DNAH17: variants seen among roughly 807,000 people sequenced by gnomAD.
DNAH17 encodes axonemal beta dynein heavy chain 17.
In DNAH17, 376 loss-of-function variants were observed where a neutral mutation model predicts 485.6. That is an observed-to-expected ratio of 0.77 (90% CI 0.71 to 0.84). DNAH17 has a LOEUF of 0.84. Among genes scored for constraint, DNAH17 ranks in the 40% least tolerant of loss-of-function variants. The pLI is 0.00. For synonymous variants in DNAH17, 3,031 were observed against 2,405.9 expected (o/e 1.26, Z -7.60); for missense variants, 6,370 against 5,839.3 (o/e 1.09, Z -2.96).
chr17:78,431,858 C>T (rs1241645399), intron 75 of DNAH17, among the ~76,000 whole-genome samples: 5 of 152,024 alleles, frequency 3.3e-5, no homozygotes, highest in Admixed American at 1.3e-4. Context: ...CAATGGGCAA[C>T]GGCTAAGGAA....
At chr17:78,426,206 G>C (rs1027248871) in intron 79 of DNAH17, among the ~76,000 whole-genome samples, 4 of 152,080 alleles carry the variant, frequency 2.6e-5, no homozygotes, top group African/African-American at 9.7e-5. Flanking sequence ...ACCCTTTGAG[G>C]GTCGCTTGAG....
At position 78,568,890 on chromosome 17, in the gene DNAH17, C is replaced by T. The variant is rs115520330; in HGVS notation, c.1284+276G>A. Reference sequence around the variant, plus strand: ...GCTGTTGGCCCCCAGGCGTCCTGAACGTGGGGGTTTAACTTATCAGTAACC... The same window carrying T: ...GCTGTTGGCCCCCAGGCGTCCTGAATGTGGGGGTTTAACTTATCAGTAACC... On this transcript the variant is annotated intron_variant, in intron 9 of 80. Coordinates refer to ENST00000389840, the MANE Select transcript of DNAH17 (RefSeq NM_173628.4). 6.9e-3 allele frequency among the ~76,000 whole-genome samples: 1,058 copies of T among 152,308 alleles called. 13 individuals are homozygous for T. Among genetic ancestry groups the T allele is most frequent in the African/African-American group, 0.024 (1,008 of 41,548 alleles).
Position 78,437,748 on chromosome 17 carries a change from T to G in DNAH17, c.11926A>C (p.Thr3976Pro). Residue 3976 changes from threonine (T) to proline (P), a missense_variant, in exon 74 of 81, where the codon ACC becomes CCC. By Grantham distance (38) the Thr-to-Pro change is conservative. Coordinates refer to ENST00000389840, the MANE Select transcript of DNAH17 (RefSeq NM_173628.4). ...AGAATGCCCTGGGGGATGATGTGGG[T>G]CTCGGGGCTGGGGGCAGGCTCCGCG... ...ISAEPAPSPE[T>P]HIIPQGILEN... The G allele has an allele frequency of 3.1e-6, 5 of 1,612,522 alleles. No individual in the cohort carries two copies. The highest frequency in any genetic ancestry group is 4.2e-6 in the Non-Finnish European group (5 of 1,179,750).
chr17:78,492,096 G>C (rs147830517), intron 42 of DNAH17, among the ~76,000 whole-genome samples: 25 of 152,198 alleles, frequency 1.6e-4, no homozygotes, highest in East Asian at 1.2e-3. Context: ...AGGGTGCGGG[G>C]GACAGGCTAG....
At chr17:78,481,744 G>C (rs563268392) in intron 48 of DNAH17, among the ~76,000 whole-genome samples, 3 of 152,332 alleles carry the variant, frequency 2.0e-5, no homozygotes, top group African/African-American at 4.8e-5. Flanking sequence ...GCCAGGCACA[G>C]TGGCTCATGC....
chr17:78,426,646 G>A, intron 78 of DNAH17, 46 bp from the exon 79 acceptor site: 1 of 1,555,294 alleles, frequency 6.4e-7, no homozygotes, highest in Non-Finnish European at 8.7e-7. Flanking sequence ...GCTGGGGCCT[G>A]GGAGAGCACC....
At chr17:78,556,874 G>C (rs890249006) in intron 14 of DNAH17, among the ~76,000 whole-genome samples, 2 of 152,162 alleles carry the variant, frequency 1.3e-5, no homozygotes, top group Non-Finnish European at 1.5e-5. Context: ...CAACAACATA[G>C]ATTAACTCAA....
chr17:78,573,106 C>T (rs2092384015), intron 2 of DNAH17, among the ~76,000 whole-genome samples: 1 of 152,060 alleles, frequency 6.6e-6, no homozygotes, highest in Non-Finnish European at 1.5e-5. Flanking sequence ...GGAGGTGTGG[C>T]CGGTCATGGA....
chr17:78,457,702 C>G (rs2087878174), intron 62 of DNAH17, among the ~76,000 whole-genome samples: 2 of 149,598 alleles, frequency 1.3e-5, no homozygotes, highest in Admixed American at 6.7e-5. Context: ...CTCTTGTCAC[C>G]CAGGCTGGAG....
intron 16 of DNAH17, among the ~76,000 whole-genome samples, chr17:78,548,590 G>A (rs938979816): frequency 1.4e-4 from 22 of 152,160 alleles, no homozygotes; most frequent in African/African-American, 4.6e-4. Flanking sequence ...ATATCTAAAC[G>A]ACTTGTTACT....
chr17:78,507,617 C>A lies in DNAH17; in HGVS notation c.4425G>T (p.Trp1475Cys). 1 of 1,614,138 alleles carries A rather than the reference C, an allele frequency of 6.2e-7. No homozygotes were observed. The highest frequency in any genetic ancestry group is 1.3e-5 in the African/African-American group (1 of 75,046). ...LAHFLKEVTSWQQKLSTADSV... is the reference protein window; with the variant it reads ...LAHFLKEVTSCQQKLSTADSV... ...AGTCCGCCGTGGACAGCTTCTGCTG[C>A]CAGCTTGTCACCTCCTTCAGGAAGT... is the stretch of plus-strand genomic sequence containing the variant. The change falls in exon 28 of 81, where the codon TGG (tryptophan) becomes TGT (cysteine). Residue 1475 changes from tryptophan (W) to cysteine (C), a missense_variant. Coordinates refer to ENST00000389840, the MANE Select transcript of DNAH17 (RefSeq NM_173628.4).
At position 78,526,709 on chromosome 17, in the gene DNAH17, A is replaced by G. The variant is rs1568198919; in HGVS notation, c.3653T>C (p.Phe1218Ser). ...ELKQHEFRER[F>S]RREAPFSFSD... ...GAAGGAGAACGGGGCCTCGCGCCTG[A>G]ACCTCTCCCTGAACTCATGTTGCTT... is the stretch of plus-strand genomic sequence containing the variant. The change falls in exon 24 of 81, where the codon TTC becomes TCC. Residue 1218 changes from phenylalanine to serine, a missense_variant. Coordinates refer to ENST00000389840, the MANE Select transcript of DNAH17 (RefSeq NM_173628.4). 1 of 1,610,794 alleles carries G rather than the reference A, an allele frequency of 6.2e-7. No individual in the cohort carries two copies. The highest frequency in any genetic ancestry group is 8.5e-7 in the Non-Finnish European group (1 of 1,177,632).
In DNAH17 at chr17:78,437,858, AG is replaced by A; in HGVS notation, c.11815del (p.Leu3939TrpfsTer226). On this transcript the variant is annotated frameshift_variant, in exon 74 of 81. Coordinates refer to ENST00000389840, the MANE Select transcript of DNAH17 (RefSeq NM_173628.4). LOFTEE classifies it high-confidence loss of function. ...GHWVILQNIHLVARWLGTLDK... is the reference protein window; with the variant it reads ...GHWVILQNIHXVARWLGTLDK... ...CAGTGTTCCCAGCCACCGGGCCACCAGGTGGATATTCTGCAGCCAAGACTAG... is the reference window on the plus strand; with the variant it reads ...CAGTGTTCCCAGCCACCGGGCCACCAGTGGATATTCTGCAGCCAAGACTAG... 6.2e-7 allele frequency: 1 copy of A among 1,609,092 alleles called. No homozygotes were observed. Among genetic ancestry groups the A allele is most frequent in the Non-Finnish European group, 8.5e-7 (1 of 1,177,558 alleles).
chr17:78,501,078 C>T, intron 35 of DNAH17, 106 bp downstream of exon 35: 4 of 1,334,598 alleles, frequency 3.0e-6, no homozygotes, highest in South Asian at 3.4e-5. Context: ...CGCAAATGCC[C>T]AGTCCTTCCA....
In DNAH17 at chr17:78,542,123, C is replaced by T. The variant is rs112244951; in HGVS notation, c.2532+1734G>A. ...GCACCACCCACTGGAAACCGCCCCC[C>T]CCAAAAACTGCCCTAAAATACTTTT... On this transcript the variant is annotated intron_variant, in intron 17 of 80. Transcript: ENST00000389840. Among the ~76,000 whole-genome samples, 582 of 150,348 alleles carry T rather than the reference C, an allele frequency of 3.9e-3. 2 individuals carry two copies. Among genetic ancestry groups the T allele is most frequent in the African/African-American group, 7.2e-3 (291 of 40,676 alleles).
In DNAH17 at chr17:78,490,446, C is replaced by T. The variant is rs146501883; in HGVS notation, c.6818+253G>A. 5.2e-3 allele frequency among the ~76,000 whole-genome samples: 796 copies of T among 152,354 alleles called. 3 individuals are homozygous for T. The highest frequency in any genetic ancestry group is 0.014 in the Middle Eastern group (4 of 292). On this transcript the variant is annotated intron_variant, in intron 44 of 80. Transcript: ENST00000389840. ...CCACAGAGGCCAAGACCTCCCTTCC[C>T]ACACCAGCCCTTGTTCCCTGGCACT... is the stretch of plus-strand genomic sequence containing the variant.
intron 74 of DNAH17, among the ~76,000 whole-genome samples, chr17:78,435,250 G>T (rs138039551): frequency 0.01 from 1,531 of 152,270 alleles, 13 homozygotes; most frequent in Admixed American, 0.026. Flanking sequence ...GGGAAGGCCT[G>T]GCGGGTGTCA....
At chr17:78,482,621 T>C (rs563838624) in intron 48 of DNAH17, among the ~76,000 whole-genome samples, 4 of 152,264 alleles carry the variant, frequency 2.6e-5, no homozygotes, top group African/African-American at 9.6e-5. Flanking sequence ...ACAGATGTTG[T>C]CCCTGTTTGC....
intron 24 of DNAH17, among the ~76,000 whole-genome samples, chr17:78,526,302 C>G (rs571565888): frequency 1.6e-4 from 24 of 152,130 alleles, no homozygotes; most frequent in Non-Finnish European, 2.9e-4. Flanking sequence ...CAGGAAGCTG[C>G]TGAATGTGAA....
Sources: allele counts gnomAD v4.1 joint callset (sites outside exome capture counted in the v4.1 genomes callset), GRCh38; gene constraint gnomAD v4.1.1; transcripts MANE v1.5; gene names NCBI Gene and HGNC (gene_info 2026-07-23, HGNC 2026-07-21).